The following NHSL1 variants were observed in gnomAD, a reference collection of about 807,000 sequenced individuals.
NHSL1 encodes the protein NHS-like protein 1.
Under a neutral mutation model 95.0 loss-of-function variants are expected in NHSL1, and 48 were observed. The ratio of observed to expected loss-of-function variants is 0.51; its 90% confidence interval spans 0.40 to 0.64. NHSL1 has a LOEUF of 0.64. Ranked by LOEUF, NHSL1 falls within the 30% of genes least tolerant of loss-of-function variation. The pLI is 0.00. For missense variants in NHSL1, 1,971 were observed against 2,077.7 expected, an observed-to-expected ratio of 0.95 and a Z score of 1.00; for synonymous variants, 783 against 833.9, an observed-to-expected ratio of 0.94 and a Z score of 1.05.
chr6:138,507,404 T>C (rs1271420282), intron 1 of NHSL1, among the ~76,000 whole-genome samples: 3 of 152,182 alleles, frequency 2.0e-5, no homozygotes, highest in African/African-American at 7.2e-5. Context: ...CTACTACTAC[T>C]AATAATAATG....
intron 1 of NHSL1, among the ~76,000 whole-genome samples, chr6:138,555,301 T>C (rs866334156): frequency 6.6e-6 from 1 of 152,256 alleles, no homozygotes; most frequent in South Asian, 2.1e-4. Flanking sequence ...TGGGATTTCC[T>C]TTGCGTTCTA....
upstream of NHSL1, among the ~76,000 whole-genome samples, chr6:138,575,254 C>G (rs141123014): frequency 6.6e-6 from 1 of 152,288 alleles, no homozygotes; most frequent in East Asian, 1.9e-4. Flanking sequence ...TCAACTCCCC[C>G]TCCATGGAAT....
chr6:138,495,859 A>C (rs1040164162), intron 2 of NHSL1, among the ~76,000 whole-genome samples: 11 of 152,218 alleles, frequency 7.2e-5, no homozygotes, highest in Non-Finnish European at 1.5e-4. Context: ...GGCGGCAGAC[A>C]AGAGAGAATT....
rs1775074302 is a variant in NHSL1 at position 138,423,992 on chromosome 6, T to A, written c.*89A>T. ...ACAGAAGCAGAGTGGGCTCCCCGGGTGAGCCAGGGAAGGGCGCCTAGCAGG... is the reference window on the plus strand; with the variant it reads ...ACAGAAGCAGAGTGGGCTCCCCGGGAGAGCCAGGGAAGGGCGCCTAGCAGG... On this transcript the variant is annotated 3_prime_UTR_variant, in exon 8 of 8. Transcript: ENST00000343505. The A allele has an allele frequency of 8.0e-7, 1 of 1,246,110 alleles. No homozygotes were observed. The highest frequency in any genetic ancestry group is 1.5e-5 in the African/African-American group (1 of 65,074). 77.2% of individuals were successfully genotyped at this position (1,246,110 alleles called of 1,614,324 possible).
intron 1 of NHSL1, among the ~76,000 whole-genome samples, chr6:138,614,958 T>C (rs1441486352): frequency 6.8e-6 from 1 of 146,126 alleles, no homozygotes; most frequent in East Asian, 2.2e-4. Context: ...GAAAATTGTC[T>C]TCCAAGAAAC....
intron 1 of NHSL1, among the ~76,000 whole-genome samples, chr6:138,604,810 G>C (rs1170133963): frequency 1.3e-5 from 2 of 151,936 alleles, no homozygotes; most frequent in African/African-American, 4.8e-5. Flanking sequence ...ATTTTTAGTA[G>C]AGACGGGGTT....
At chr6:138,607,718 A>G (rs4896376) in intron 1 of NHSL1, among the ~76,000 whole-genome samples, 104,662 of 152,096 alleles carry the variant, frequency 0.69, 36,588 homozygotes, top group East Asian at 0.97. Flanking sequence ...GTTTCTTGTC[A>G]GCTTCCTTCC....
chr6:138,449,516 A>T (rs1477104202), intron 3 of NHSL1, among the ~76,000 whole-genome samples: 3 of 152,128 alleles, frequency 2.0e-5, no homozygotes, highest in Non-Finnish European at 4.4e-5. Context: ...CTCTACTAAA[A>T]TAAAAATAAA....
At chr6:138,505,479 C>A (rs1362106822) in intron 1 of NHSL1, among the ~76,000 whole-genome samples, 2 of 151,888 alleles carry the variant, frequency 1.3e-5, no homozygotes, top group South Asian at 2.1e-4. Context: ...AATGGTGAAA[C>A]CCCGTCTCTG....
chr6:138,666,081 A>T (rs1359194623), intron 1 of NHSL1, among the ~76,000 whole-genome samples: 1 of 151,500 alleles, frequency 6.6e-6, no homozygotes. Context: ...AGGCGGGCGG[A>T]TCACCTGAAG....
chr6:138,495,769 AGAGGTTTAATG>A (rs1780310689), intron 2 of NHSL1, among the ~76,000 whole-genome samples: 1 of 152,218 alleles, frequency 6.6e-6, no homozygotes, highest in African/African-American at 2.4e-5. Context: ...ATAAAGAAAA[AGAGGTTTAATG>A]GACTCATAGT....
intron 1 of NHSL1, among the ~76,000 whole-genome samples, chr6:138,516,966 T>C (rs1294564225): frequency 6.6e-6 from 1 of 152,186 alleles, no homozygotes; most frequent in Non-Finnish European, 1.5e-5. Context: ...AATAGTCTTC[T>C]GTGTTTTAGA....
intron 1 of NHSL1, among the ~76,000 whole-genome samples, chr6:138,532,690 G>C (rs1782185305): frequency 6.6e-6 from 1 of 152,180 alleles, no homozygotes; most frequent in African/African-American, 2.4e-5. Context: ...GCTCAGAGTA[G>C]TTAGGTGGCT....
intron 2 of NHSL1, among the ~76,000 whole-genome samples, chr6:138,484,226 C>T (rs1779591465): frequency 1.3e-5 from 2 of 152,056 alleles, no homozygotes; most frequent in African/African-American, 4.8e-5. Context: ...AGAACAGATG[C>T]CACAGGAAAG....
intron 1 of NHSL1, among the ~76,000 whole-genome samples, chr6:138,568,054 A>C (rs939418118): frequency 3.9e-5 from 6 of 152,192 alleles, no homozygotes; most frequent in African/African-American, 1.2e-4. Flanking sequence ...CACAGAATAA[A>C]TACTACTAGT....
chr6:138,588,217 CTT>C (rs1393349934), intron 1 of NHSL1, among the ~76,000 whole-genome samples: 1 of 152,244 alleles, frequency 6.6e-6, no homozygotes, highest in African/African-American at 2.4e-5. Flanking sequence ...AATCTCAGCA[CTT>C]TGGGAAGCCC....
intron 1 of NHSL1, among the ~76,000 whole-genome samples, chr6:138,628,766 T>A (rs924789079): frequency 1.3e-5 from 2 of 152,086 alleles, no homozygotes; most frequent in South Asian, 2.1e-4. Context: ...AATTAAAAAG[T>A]TCCTCCATTT....
chr6:138,570,024 C>T (rs1046733887), intron 1 of NHSL1, among the ~76,000 whole-genome samples: 7 of 152,196 alleles, frequency 4.6e-5, no homozygotes, highest in African/African-American at 1.7e-4. Flanking sequence ...ACAAGTTGCC[C>T]CTGTCCTTTA....
intron 5 of NHSL1, among the ~76,000 whole-genome samples, chr6:138,435,798 C>T (rs1444918657): frequency 4.0e-5 from 6 of 151,150 alleles, no homozygotes; most frequent in Non-Finnish European, 1.5e-5. Flanking sequence ...TCTATTGATG[C>T]CATTTTTCTA....
Sources: allele counts gnomAD v4.1 joint callset (sites outside exome capture counted in the v4.1 genomes callset), GRCh38; gene constraint gnomAD v4.1.1; transcripts MANE v1.5; gene names NCBI Gene and HGNC (gene_info 2026-07-23, HGNC 2026-07-21).